The following MAP3K7CL variants were observed in gnomAD, a reference collection of about 807,000 sequenced individuals.
The protein encoded by MAP3K7CL is MAP3K7 C-terminal-like protein.
Under a neutral mutation model 18.6 loss-of-function variants are expected in MAP3K7CL, and 16 were observed. The ratio of observed to expected loss-of-function variants is 0.86; its 90% CI spans 0.58 to 1.31. MAP3K7CL has a LOEUF of 1.31. Among genes scored for constraint, MAP3K7CL ranks in the 50% most tolerant of loss-of-function variants. MAP3K7CL has a pLI of 0.00. For missense variants in MAP3K7CL, 163 were observed against 174.4 expected (o/e 0.93, Z 0.37); for synonymous variants, 65 against 66.8 (o/e 0.97, Z 0.13).
intron 4 of MAP3K7CL, among the ~76,000 whole-genome samples, chr21:29,098,763 A>G (rs543534552): frequency 1.3e-5 from 2 of 150,542 alleles, no homozygotes; most frequent in South Asian, 4.2e-4. Context: ...CTACTAGACT[A>G]CCTCGCCAAA....
chr21:29,109,598 G>A, intron 4 of MAP3K7CL: 1 of 1,004,256 alleles, frequency 1.0e-6, no homozygotes, highest in Non-Finnish European at 1.2e-6. Context: ...AATGTAAATA[G>A]CACATTATTC....
At chr21:29,084,671 T>C (rs1476384696), upstream of MAP3K7CL, among the ~76,000 whole-genome samples, 1 of 152,206 alleles carries the variant, frequency 6.6e-6, no homozygotes, top group Non-Finnish European at 1.5e-5. Flanking sequence ...ACTATTTTCT[T>C]TCTTACCAGA....
upstream of MAP3K7CL, among the ~76,000 whole-genome samples, chr21:29,127,524 C>G (rs1048329975): frequency 3.3e-5 from 5 of 152,138 alleles, no homozygotes; most frequent in African/African-American, 7.2e-5. Flanking sequence ...TACATCATTG[C>G]TCATATGGGA....
At chr21:29,077,255 C>G (rs1000409949), upstream of MAP3K7CL, among the ~76,000 whole-genome samples, 4 of 152,244 alleles carry the variant, frequency 2.6e-5, no homozygotes, top group African/African-American at 9.6e-5. Context: ...GGGCGGCGCT[C>G]GTCGCGGAGG....
intron 4 of MAP3K7CL, among the ~76,000 whole-genome samples, chr21:29,114,401 T>C (rs1476500230): frequency 6.6e-6 from 1 of 151,736 alleles, no homozygotes; most frequent in Non-Finnish European, 1.5e-5. Context: ...TATTTTTTAT[T>C]TATTTTTGAG....
At chr21:29,082,361 ATTTTTTGT>A (rs2085849936), upstream of MAP3K7CL, among the ~76,000 whole-genome samples, 1 of 152,112 alleles carries the variant, frequency 6.6e-6, no homozygotes, top group Non-Finnish European at 1.5e-5. Context: ...AAATTTCTAA[ATTTTTTGT>A]ATGCCTAGGA....
At chr21:29,157,486 G>T (rs1347515182) in intron 3 of MAP3K7CL, among the ~76,000 whole-genome samples, 3 of 152,270 alleles carry the variant, frequency 2.0e-5, no homozygotes, top group Non-Finnish European at 4.4e-5. Context: ...GTGACCCCTG[G>T]AATCTTTGTA....
At chr21:29,093,339 C>T (rs528023843) in intron 4 of MAP3K7CL, among the ~76,000 whole-genome samples, 18 of 152,340 alleles carry the variant, frequency 1.2e-4, no homozygotes, top group South Asian at 4.1e-4. Flanking sequence ...ATCTCTACAA[C>T]TATTATTTCT....
intron 4 of MAP3K7CL, chr21:29,108,897 C>G (rs988498093): frequency 1.4e-6 from 1 of 692,398 alleles, no homozygotes; most frequent in African/African-American, 1.8e-5. Context: ...AGTGTTCAGT[C>G]AGCTCCAATG....
At chr21:29,135,156 T>TAATG (rs2086859135) in intron 2 of MAP3K7CL, among the ~76,000 whole-genome samples, 2 of 152,156 alleles carry the variant, frequency 1.3e-5, no homozygotes, top group Non-Finnish European at 2.9e-5. Flanking sequence ...TGTTTGTAGG[T>TAATG]AATGGAGTTA....
rs372992693 is a variant in MAP3K7CL, at chr21:29,091,475, T to G, written c.58-26T>G. The G allele has an allele frequency of 8.0e-4, 531 of 662,808 alleles. 6 individuals are homozygous for G. The South Asian group carries it at 8.4e-3, about 11-fold the overall frequency. 41.1% of individuals were successfully genotyped at this position (662,808 alleles called of 1,614,324 possible). A position where few individuals can be genotyped will look rare whatever the true frequency, so the allele number is the denominator to read the frequency against. ...CCTGAGTGTACATTTTCTTTTCTTT[T>G]TTTCTTTTTTATTTTTTCAATACAG... On this transcript the variant is annotated intron_variant, in intron 1 of 6. Transcript: ENST00000286791.
At chr21:29,087,498 G>C (rs974955969) in intron 1 of MAP3K7CL, among the ~76,000 whole-genome samples, 1 of 151,442 alleles carries the variant, frequency 6.6e-6, no homozygotes, top group Admixed American at 6.6e-5. Context: ...AGAAGCTAAA[G>C]AACAGAGAGG....
At chr21:29,151,315 G>C (rs916884992) in intron 3 of MAP3K7CL, among the ~76,000 whole-genome samples, 5 of 151,770 alleles carry the variant, frequency 3.3e-5, no homozygotes, top group South Asian at 2.1e-4. Context: ...AAATTAGCCA[G>C]GTGTGGTGGC....
At chr21:29,090,571 G>A (rs1351673255) in intron 1 of MAP3K7CL, among the ~76,000 whole-genome samples, 1 of 152,086 alleles carries the variant, frequency 6.6e-6, no homozygotes, top group Admixed American at 6.5e-5. Context: ...AGTAGAGACA[G>A]GGTTTCACTG....
In MAP3K7CL at chr21:29,169,883, G is replaced by T. The variant is rs1214445678; in HGVS notation, c.249-4829G>T. 2.0e-5 allele frequency among the ~76,000 whole-genome samples: 3 copies of T among 152,182 alleles called. No individual in the cohort carries two copies. In the East Asian group the frequency reaches 5.8e-4, roughly 29 times the overall value. Reference sequence around the variant, plus strand: ...TGGAGGCAACAGATGAGCTATGGTGGACTCCAAAGTTATGACCTTTTAGGC... The same window carrying T: ...TGGAGGCAACAGATGAGCTATGGTGTACTCCAAAGTTATGACCTTTTAGGC... On this transcript the variant is annotated intron_variant, in intron 4 of 4. Coordinates refer to ENST00000399928, the MANE Select transcript of MAP3K7CL (RefSeq NM_001286620.2).
chr21:29,144,495 A>G (rs1220486774), intron 2 of MAP3K7CL, among the ~76,000 whole-genome samples: 1 of 152,230 alleles, frequency 6.6e-6, no homozygotes, highest in Non-Finnish European at 1.5e-5. Flanking sequence ...TTACTGGTTC[A>G]TGAAATACGA....
chr21:29,083,831 GATGTGTGTGTGTGTGTATAT>G (rs944953370), upstream of MAP3K7CL, among the ~76,000 whole-genome samples: 5 of 150,796 alleles, frequency 3.3e-5, no homozygotes, highest in Non-Finnish European at 5.9e-5. Flanking sequence ...AATCAGCTGG[GATGTGTGTGTGTGTGTATAT>G]ATGTGTGTGT....
intron 4 of MAP3K7CL, among the ~76,000 whole-genome samples, chr21:29,094,622 C>T (rs2086088820): frequency 6.6e-6 from 1 of 152,178 alleles, no homozygotes; most frequent in Non-Finnish European, 1.5e-5. Context: ...AGAAGTTTGA[C>T]TCTAGGCCAA....
chr21:29,174,591 A>C, intron 4 of MAP3K7CL, 121 bp from the exon 5 acceptor site: 1 of 1,249,960 alleles, frequency 8.0e-7, no homozygotes, highest in African/African-American at 1.5e-5. Context: ...GCAAGTAGAG[A>C]TGGGAAAAAA....
Sources: allele counts gnomAD v4.1 joint callset (sites outside exome capture counted in the v4.1 genomes callset), GRCh38; gene constraint gnomAD v4.1.1; transcripts MANE v1.5; gene names NCBI Gene and HGNC (gene_info 2026-07-23, HGNC 2026-07-21).